Variants in PPM1B observed in about 807,000 individuals in gnomAD.
The protein encoded by PPM1B is protein phosphatase 1B.
PPM1B carries 22 observed loss-of-function variants against 43.0 expected under a neutral mutation model. The observed-to-expected ratio is 0.51, with a 90% CI of 0.37 to 0.73. The LOEUF (loss-of-function observed/expected upper bound fraction) is 0.73, where lower values mean the gene tolerates loss of function less well. Ranked by LOEUF, PPM1B falls within the 30% of genes least tolerant of loss-of-function variation. PPM1B has a pLI of 0.00. For missense variants in PPM1B, 632 were observed against 584.2 expected (o/e 1.08, Z -0.84); for synonymous variants, 217 against 197.9 (o/e 1.10, Z -0.81).
At chr2:44,182,027 G>A (rs1667898777) in intron 1 of PPM1B, among the ~76,000 whole-genome samples, 2 of 152,254 alleles carry the variant, frequency 1.3e-5, no homozygotes, top group South Asian at 2.1e-4. Context: ...CAGAATCGAG[G>A]CGTTACCAAT....
intron 1 of PPM1B, among the ~76,000 whole-genome samples, chr2:44,189,902 T>A (rs1376405680): frequency 6.6e-6 from 1 of 152,246 alleles, no homozygotes; most frequent in East Asian, 1.9e-4. Flanking sequence ...TACACCTTTT[T>A]AAAATTTTTC....
intron 5 of PPM1B, among the ~76,000 whole-genome samples, chr2:44,243,586 ATTATCCCT>A (rs1670795809): frequency 6.6e-6 from 1 of 152,110 alleles, no homozygotes; most frequent in Admixed American, 6.5e-5. Flanking sequence ...AGATTTTTCC[ATTATCCCT>A]TTATACCAGC....
At chr2:44,225,702 G>T (rs1346358521) in intron 5 of PPM1B, among the ~76,000 whole-genome samples, 6 of 152,086 alleles carry the variant, frequency 3.9e-5, no homozygotes, top group Non-Finnish European at 8.8e-5. Flanking sequence ...TGTCACCGAG[G>T]CTGTAATGCA....
At chr2:44,235,746 C>T (rs573631046), downstream of PPM1B, among the ~76,000 whole-genome samples, 1 of 151,670 alleles carries the variant, frequency 6.6e-6, no homozygotes, top group East Asian at 2.0e-4. Flanking sequence ...CAAAAAAATT[C>T]TAAGTACTCT....
chr2:44,214,464 G>C (rs977290645), intron 3 of PPM1B, among the ~76,000 whole-genome samples: 2 of 149,642 alleles, frequency 1.3e-5, no homozygotes, highest in Admixed American at 6.7e-5. Flanking sequence ...TTTCGGGGGT[G>C]GGGGGGGCAT....
chr2:44,201,129 T>G lies in PPM1B; in HGVS notation c.-14-57T>G. ...GAGTTACTAGACTATAGAGGGAATA[T>G]TGTACATACATTTTCTGTCAAATTT... On this transcript the variant is annotated intron_variant, in intron 1 of 5. Coordinates refer to ENST00000282412, the MANE Select transcript of PPM1B (RefSeq NM_002706.6). The surrounding 1 kb of genome is among the most constrained non-coding windows in gnomAD (Gnocchi z 5.4). 6.8e-7 allele frequency: 1 copy of G among 1,465,720 alleles called. No homozygotes were observed. The highest frequency in any genetic ancestry group is 9.2e-7 in the Non-Finnish European group (1 of 1,084,546). The allele number at this position is 1,465,720 out of a possible 1,614,324, so 90.8% of individuals were successfully genotyped here.
intron 5 of PPM1B, among the ~76,000 whole-genome samples, chr2:44,229,061 A>T (rs777648208): frequency 6.6e-5 from 10 of 152,112 alleles, no homozygotes; most frequent in South Asian, 2.1e-4. Context: ...ACATGCCTGT[A>T]ATCCCAGCTA....
intron 1 of PPM1B, among the ~76,000 whole-genome samples, chr2:44,192,959 C>A (rs1293670951): frequency 6.6e-6 from 1 of 152,080 alleles, no homozygotes; most frequent in Admixed American, 6.5e-5. Flanking sequence ...TTTTCTTTAT[C>A]CATTCATTCA....
intron 5 of PPM1B, among the ~76,000 whole-genome samples, chr2:44,220,630 C>G (rs182247067): frequency 6.6e-6 from 1 of 152,286 alleles, no homozygotes; most frequent in East Asian, 1.9e-4. Flanking sequence ...AGACGTGACC[C>G]CACCTGTGTG....
chr2:44,183,893 C>T (rs187483408), intron 1 of PPM1B, among the ~76,000 whole-genome samples: 1 of 152,178 alleles, frequency 6.6e-6, no homozygotes, highest in East Asian at 1.9e-4. Context: ...CATCCGCCAC[C>T]GTCCCTGGCT....
intron 1 of PPM1B, among the ~76,000 whole-genome samples, chr2:44,171,522 G>C (rs771683357): frequency 2.0e-5 from 3 of 152,122 alleles, no homozygotes; most frequent in Non-Finnish European, 4.4e-5. Context: ...AGTGATTGTG[G>C]TGATTCATTA....
intron 5 of PPM1B, among the ~76,000 whole-genome samples, chr2:44,226,887 G>A (rs1013319125): frequency 1.3e-5 from 2 of 150,090 alleles, no homozygotes; most frequent in Admixed American, 6.6e-5. Context: ...CTTATCACAT[G>A]TTGTTCCATC....
downstream of PPM1B, among the ~76,000 whole-genome samples, chr2:44,245,042 A>G (rs1403770361): frequency 2.0e-5 from 3 of 152,080 alleles, no homozygotes; most frequent in Non-Finnish European, 4.4e-5. Flanking sequence ...TTACGTATCC[A>G]TGCTGATTGC....
At chr2:44,236,513 G>A (rs1670628660), downstream of PPM1B, among the ~76,000 whole-genome samples, 2 of 151,346 alleles carry the variant, frequency 1.3e-5, no homozygotes, top group Non-Finnish European at 2.9e-5. Context: ...CTTTAAAATG[G>A]TTTTTAATAA....
chr2:44,202,671 A>G (rs1463054905), intron 2 of PPM1B, among the ~76,000 whole-genome samples: 2 of 152,158 alleles, frequency 1.3e-5, no homozygotes, highest in East Asian at 1.9e-4. Flanking sequence ...AGATGTTTTT[A>G]TTATTTCTGA....
At chr2:44,244,200 A>G (rs1442025368) in intron 5 of PPM1B, 1 of 1,155,068 alleles carries the variant, frequency 8.7e-7, no homozygotes, top group Non-Finnish European at 1.1e-6. Context: ...ATATATATAT[A>G]TATTTCAATT....
chr2:44,226,975 A>ATTTATTTATTT (rs1558430093), intron 5 of PPM1B, among the ~76,000 whole-genome samples: 6 of 79,374 alleles, frequency 7.6e-5, no homozygotes, highest in Admixed American at 3.0e-4. Flanking sequence ...TTTATTTATG[A>ATTTATTTATTT]ATGAATGAAT....
chr2:44,237,412 C>G (rs949262993), downstream of PPM1B, among the ~76,000 whole-genome samples: 1 of 152,170 alleles, frequency 6.6e-6, no homozygotes, highest in Non-Finnish European at 1.5e-5. Context: ...ATTTTCTCCC[C>G]CTTATTTCCT....
chr2:44,241,890 G>A (rs1268125453), intron 5 of PPM1B, among the ~76,000 whole-genome samples: 4 of 100,218 alleles, frequency 4.0e-5, no homozygotes, highest in African/African-American at 1.5e-4. Context: ...ACGGAGTCTC[G>A]CACTCTCGTC....
Sources: allele counts gnomAD v4.1 joint callset (sites outside exome capture counted in the v4.1 genomes callset), GRCh38; gene constraint gnomAD v4.1.1; non-coding constraint Gnocchi (gnomAD v3.1); transcripts MANE v1.5; gene names NCBI Gene and HGNC (gene_info 2026-07-23, HGNC 2026-07-21).